Variants in ASIC2 observed in about 807,000 individuals in gnomAD.
ASIC2 encodes acid-sensing ion channel 2.
ASIC2 carries 25 observed loss-of-function variants against 57.3 expected under a neutral mutation model. The ratio of observed to expected loss-of-function variants is 0.44; its 90% CI spans 0.32 to 0.61. The LOEUF (loss-of-function observed/expected upper bound fraction) is 0.61, where lower values mean the gene tolerates loss of function less well. Ranked by LOEUF, ASIC2 falls within the 20% of genes least tolerant of loss-of-function variation. ASIC2 has a pLI of 0.06. For synonymous variants in ASIC2, 319 were observed against 307.5 expected (o/e 1.04, Z -0.39); for missense variants, 641 against 738.1 (o/e 0.87, Z 1.52).
At chr17:33,815,181 G>C (rs1373811862) in intron 1 of ASIC2, among the ~76,000 whole-genome samples, 1 of 152,130 alleles carries the variant, frequency 6.6e-6, no homozygotes, top group Non-Finnish European at 1.5e-5. Context: ...AAATTTCTCA[G>C]TTTCCCATAG....
At chr17:33,682,510 A>G (rs537280537) in intron 1 of ASIC2, among the ~76,000 whole-genome samples, 11 of 152,228 alleles carry the variant, frequency 7.2e-5, no homozygotes, top group Admixed American at 2.0e-4. Context: ...AAATAACAAT[A>G]ATGTTAGAAT....
chr17:33,757,299 C>A (rs1188600610), intron 1 of ASIC2, among the ~76,000 whole-genome samples: 1 of 152,192 alleles, frequency 6.6e-6, no homozygotes, highest in Non-Finnish European at 1.5e-5. Context: ...CTCCTAGTTA[C>A]TAGCAGATTC....
At chr17:33,359,465 G>C (rs1908515165) in intron 1 of ASIC2, among the ~76,000 whole-genome samples, 1 of 152,102 alleles carries the variant, frequency 6.6e-6, no homozygotes. Context: ...CTTGGTCAGG[G>C]GTTCATGGCC....
At position 34,156,149 on chromosome 17, in the gene ASIC2, C is replaced by G; in HGVS notation, c.384G>C (p.Leu128=). The change falls in exon 1 of 10, where the codon CTG becomes CTC. Residue 128 remains leucine (L), a synonymous_variant. Transcript: ENST00000359872. This position sits in a 1 kb window ranked among gnomAD's most constrained non-coding sequence, Gnocchi z 4.4. ...GGGCCTCCAGCACGGAGGGGTCAGCCAGATGGGGGTCCGGGATCTGCAGGT... is the reference window on the plus strand; with the variant it reads ...GGGCCTCCAGCACGGAGGGGTCAGCGAGATGGGGGTCCGGGATCTGCAGGT... The G allele has an allele frequency of 6.2e-7, 1 of 1,614,128 alleles. No individual in the cohort carries two copies. Among genetic ancestry groups the G allele is most frequent in the South Asian group, 1.1e-5 (1 of 91,086 alleles).
intron 1 of ASIC2, among the ~76,000 whole-genome samples, chr17:34,072,722 C>T (rs1042865216): frequency 9.9e-4 from 150 of 152,264 alleles, no homozygotes; most frequent in Non-Finnish European, 1.6e-3. Context: ...CAAAAATCTT[C>T]GCTTCATGTG....
chr17:33,704,948 A>G (rs1452794226), intron 1 of ASIC2, among the ~76,000 whole-genome samples: 1 of 152,192 alleles, frequency 6.6e-6, no homozygotes, highest in Non-Finnish European at 1.5e-5. Context: ...AAACCCCACA[A>G]AACCTCTCTC....
intron 1 of ASIC2, among the ~76,000 whole-genome samples, chr17:33,281,555 C>T (rs991638656): frequency 6.6e-6 from 1 of 152,096 alleles, no homozygotes; most frequent in South Asian, 2.1e-4. Context: ...AGTTTTGAAA[C>T]AGCCCTACAC....
intron 1 of ASIC2, among the ~76,000 whole-genome samples, chr17:33,497,483 TC>T (rs1266204400): frequency 8.5e-5 from 13 of 152,106 alleles, no homozygotes; most frequent in Non-Finnish European, 1.9e-4. Flanking sequence ...TTGAAGGACC[TC>T]GAAGGAAAGA....
At chr17:33,144,300 G>A (rs911866663) in intron 1 of ASIC2, among the ~76,000 whole-genome samples, 2 of 152,140 alleles carry the variant, frequency 1.3e-5, no homozygotes, top group Non-Finnish European at 2.9e-5. Context: ...GGCAGAAGAG[G>A]GGGCCCATGG....
rs890338964 is a variant in ASIC2 at position 33,437,385 on chromosome 17, T to C, written c.556-325318A>G. Among the ~76,000 whole-genome samples, 6 of 152,236 alleles carry C rather than the reference T, an allele frequency of 3.9e-5. No individual in the cohort carries two copies. The South Asian group carries it at 1.0e-3, about 26-fold the overall frequency. ...AGAAAACACAAAGAACTGTTTACTA[T>C]AAACATCATTATATAGTTAATGCTA... On this transcript the variant is annotated intron_variant, in intron 1 of 9. Coordinates refer to the ASIC2 transcript ENST00000359872.
At chr17:33,887,369 T>C (rs1422582126) in intron 1 of ASIC2, among the ~76,000 whole-genome samples, 1 of 151,784 alleles carries the variant, frequency 6.6e-6, no homozygotes, top group African/African-American at 2.4e-5. Flanking sequence ...CATCAAAGAG[T>C]CAACAATGCT....
intron 1 of ASIC2, among the ~76,000 whole-genome samples, chr17:33,328,913 G>T (rs2142223331): frequency 6.6e-6 from 1 of 152,284 alleles, no homozygotes; most frequent in Non-Finnish European, 1.5e-5. Flanking sequence ...ATGTGAATCT[G>T]AATGTTTTCA....
At chr17:33,134,291 C>T (rs2092359140) in intron 1 of ASIC2, among the ~76,000 whole-genome samples, 1 of 152,160 alleles carries the variant, frequency 6.6e-6, no homozygotes, top group Admixed American at 6.5e-5. Flanking sequence ...GCTACCAAAG[C>T]CCGTTCCTTT....
At chr17:33,337,632 C>A (rs901820645) in intron 1 of ASIC2, among the ~76,000 whole-genome samples, 1 of 152,152 alleles carries the variant, frequency 6.6e-6, no homozygotes, top group Non-Finnish European at 1.5e-5. Context: ...TGGCACTGTG[C>A]TAGGCAAAGA....
At chr17:33,879,637 C>G (rs1301259326) in intron 1 of ASIC2, among the ~76,000 whole-genome samples, 1 of 152,180 alleles carries the variant, frequency 6.6e-6, no homozygotes, top group Admixed American at 6.5e-5. Context: ...GAGACTTAGA[C>G]TCCCACACAA....
intron 1 of ASIC2, among the ~76,000 whole-genome samples, chr17:33,985,126 C>T (rs1457655048): frequency 2.6e-5 from 4 of 152,122 alleles, no homozygotes; most frequent in Non-Finnish European, 5.9e-5. Context: ...AAGCCTCAAG[C>T]CATGATGAAT....
intron 1 of ASIC2, among the ~76,000 whole-genome samples, chr17:33,447,352 G>T (rs1314078652): frequency 6.6e-6 from 1 of 152,198 alleles, no homozygotes; most frequent in Non-Finnish European, 1.5e-5. Flanking sequence ...CTAATCAGGA[G>T]GAGAAGCCAA....
chr17:33,911,597 A>T lies in ASIC2; in HGVS notation c.555+244381T>A, dbSNP rs558995695. Among the ~76,000 whole-genome samples the T allele has an allele frequency of 4.3e-4, 65 of 152,274 alleles. 1 individual carries two copies. The South Asian group carries it at 0.013, about 31-fold the overall frequency. ...CTACAAAAAGAGGCTGAGGAATGTG[A>T]TCTTCATATAGGAGACTGTGTACCC... On this transcript the variant is annotated intron_variant, in intron 1 of 9. Coordinates refer to the ASIC2 transcript ENST00000359872.
chr17:33,987,046 T>C (rs1905843311), intron 1 of ASIC2, among the ~76,000 whole-genome samples: 1 of 152,226 alleles, frequency 6.6e-6, no homozygotes, highest in East Asian at 1.9e-4. Context: ...CTAAGCATTT[T>C]ACATGCATTA....
Sources: allele counts gnomAD v4.1 joint callset (sites outside exome capture counted in the v4.1 genomes callset), GRCh38; gene constraint gnomAD v4.1.1; non-coding constraint Gnocchi (gnomAD v3.1); transcripts MANE v1.5; gene names NCBI Gene and HGNC (gene_info 2026-07-23, HGNC 2026-07-21).